The following FER variants were observed in gnomAD, a reference collection of about 807,000 sequenced individuals.
FER encodes the protein FER tyrosine kinase.
FER carries 63 observed loss-of-function variants against 111.0 expected under a neutral mutation model. The ratio of observed to expected loss-of-function variants is 0.57; its 90% CI spans 0.46 to 0.70. The LOEUF (loss-of-function observed/expected upper bound fraction) is 0.70, where lower values mean the gene tolerates loss of function less well. Among genes scored for constraint, FER ranks in the 30% least tolerant of loss-of-function variants. The pLI is 0.00. For synonymous variants in FER, 327 were observed against 313.9 expected (o/e 1.04, Z -0.44); for missense variants, 914 against 954.0 (o/e 0.96, Z 0.55).
chr5:108,815,886 C>G (rs1400862285), intron 3 of FER, among the ~76,000 whole-genome samples: 1 of 152,062 alleles, frequency 6.6e-6, no homozygotes, highest in Non-Finnish European at 1.5e-5. Context: ...AATTTTTAAG[C>G]CTGGCTATAG....
intron 17 of FER, among the ~76,000 whole-genome samples, chr5:109,144,949 G>C (rs1188388725): frequency 6.6e-6 from 1 of 151,894 alleles, no homozygotes; most frequent in East Asian, 1.9e-4. Context: ...GAAGAGATAT[G>C]TGGTGCCACT....
rs36048372 is a variant in FER at position 108,785,298 on chromosome 5, G to T, written c.-59-12826G>T. On this transcript the variant is annotated intron_variant, in intron 2 of 19. Transcript: ENST00000281092. ...GGCAAACACCTTTATATGCCAGATG[G>T]TGGGGGCATTATCAACACCCTGTGC... 3.3e-3 allele frequency: 1,788 copies of T among 548,832 alleles called. 23 individuals are homozygous for T. Among genetic ancestry groups the T allele is most frequent in the African/African-American group, 0.03 (1,585 of 52,536 alleles). 34.0% of individuals were successfully genotyped at this position (548,832 alleles called of 1,614,324 possible).
intron 15 of FER, among the ~76,000 whole-genome samples, chr5:109,045,224 C>G (rs933099749): frequency 2.6e-5 from 4 of 151,412 alleles, no homozygotes; most frequent in Non-Finnish European, 5.9e-5. Context: ...TTCTGAGAAC[C>G]TCAGATTTCT....
At chr5:109,105,314 G>T (rs1041102793) in intron 17 of FER, among the ~76,000 whole-genome samples, 1 of 143,586 alleles carries the variant, frequency 7.0e-6, no homozygotes, top group South Asian at 2.3e-4. Context: ...TAAAAGATTT[G>T]GTATGCTTCT....
At chr5:108,982,290 A>G (rs1762093731) in intron 13 of FER, among the ~76,000 whole-genome samples, 1 of 152,056 alleles carries the variant, frequency 6.6e-6, no homozygotes, top group African/African-American at 2.4e-5. Flanking sequence ...TATTGTTATG[A>G]CCTTATCTTT....
intron 5 of FER, among the ~76,000 whole-genome samples, chr5:108,846,432 A>G (rs1762032214): frequency 6.6e-6 from 1 of 152,014 alleles, no homozygotes; most frequent in Non-Finnish European, 1.5e-5. Context: ...TCTCTGGAAA[A>G]AAAAAGAAAA....
In FER at chr5:108,973,856, T is replaced by A. The variant is rs76054965; in HGVS notation, c.1656+14509T>A. On this transcript the variant is annotated intron_variant, in intron 13 of 19. Coordinates refer to ENST00000281092, the MANE Select transcript of FER (RefSeq NM_005246.4). ...TCTATATCCTTTTTTGACTCTAGAA[T>A]CACTTCAGTTGGAGACCTTAGGAAT... 1.0e-2 allele frequency among the ~76,000 whole-genome samples: 1,517 copies of A among 152,284 alleles called. 22 individuals carry two copies. The highest frequency in any genetic ancestry group is 0.035 in the African/African-American group (1,447 of 41,558).
intron 17 of FER, among the ~76,000 whole-genome samples, chr5:109,123,157 G>GTTTT (rs747514879): frequency 0.041 from 5,103 of 124,134 alleles, 276 homozygotes; most frequent in African/African-American, 0.081. Context: ...TTCCTGTCTT[G>GTTTT]TTTTTTTTTT....
intron 3 of FER, 93 bp from the exon 4 acceptor site, chr5:108,832,677 T>C (rs1760165634): frequency 1.2e-6 from 1 of 868,188 alleles, no homozygotes; most frequent in Admixed American, 4.0e-5. Flanking sequence ...ATAATTTACA[T>C]AAAACTAAAT....
intron 16 of FER, among the ~76,000 whole-genome samples, chr5:109,085,118 C>G (rs929137724): frequency 2.0e-5 from 3 of 151,720 alleles, no homozygotes; most frequent in South Asian, 4.1e-4. Flanking sequence ...AAAAAGCCTC[C>G]TGGGAATTTG....
intron 10 of FER, among the ~76,000 whole-genome samples, chr5:108,930,030 C>G (rs1754337250): frequency 6.6e-6 from 1 of 151,958 alleles, no homozygotes; most frequent in African/African-American, 2.4e-5. Context: ...TAATAATTAG[C>G]TGTTTGTTTT....
intron 1 of FER, among the ~76,000 whole-genome samples, chr5:108,758,666 G>A (rs953191993): frequency 5.3e-5 from 8 of 152,114 alleles, no homozygotes; most frequent in South Asian, 2.1e-4. Flanking sequence ...TGATCCCATC[G>A]TCACAGGGAT....
chr5:108,994,345 A>G (rs1236193589), intron 13 of FER, among the ~76,000 whole-genome samples: 1 of 152,202 alleles, frequency 6.6e-6, no homozygotes, highest in Non-Finnish European at 1.5e-5. Flanking sequence ...CAGTTCTCCC[A>G]GCACCATTTA....
At chr5:109,000,751 C>T (rs1052699717) in intron 13 of FER, among the ~76,000 whole-genome samples, 10 of 151,680 alleles carry the variant, frequency 6.6e-5, no homozygotes, top group East Asian at 1.9e-4. Flanking sequence ...ATTGATAGAC[C>T]GCTAGCAAGA....
chr5:108,778,440 C>G (rs1362489366), intron 2 of FER, among the ~76,000 whole-genome samples: 1 of 152,178 alleles, frequency 6.6e-6, no homozygotes, highest in African/African-American at 2.4e-5. Flanking sequence ...ATTTTGCATT[C>G]TTACCAGCAA....
intron 17 of FER, among the ~76,000 whole-genome samples, chr5:109,125,436 A>G (rs1415788843): frequency 3.0e-4 from 46 of 152,192 alleles, no homozygotes; most frequent in Non-Finnish European, 7.3e-5. Flanking sequence ...AGTGTCTTAT[A>G]TTCAAACCTG....
At chr5:108,754,055 A>G (rs924238543) in intron 1 of FER, among the ~76,000 whole-genome samples, 1 of 152,176 alleles carries the variant, frequency 6.6e-6, no homozygotes, top group South Asian at 2.1e-4. Flanking sequence ...CAGATGATTG[A>G]GAGTGACATC....
At chr5:109,164,631 A>T (rs1033291506) in intron 17 of FER, among the ~76,000 whole-genome samples, 1 of 152,160 alleles carries the variant, frequency 6.6e-6, no homozygotes, top group Non-Finnish European at 1.5e-5. Context: ...TATCATTAAC[A>T]TATCTTTTTC....
At chr5:108,871,258 A>G (rs1764571752) in intron 6 of FER, 107 bp from the exon 7 acceptor site, 1 of 855,106 alleles carries the variant, frequency 1.2e-6, no homozygotes, top group Non-Finnish European at 1.8e-6. Context: ...AACCATCTGT[A>G]CATTTCAACA....
Sources: gnomAD v4.1 joint callset for allele counts (sites outside exome capture counted in the v4.1 genomes callset) on GRCh38, gnomAD v4.1.1 for gene constraint, MANE v1.5 for transcripts, NCBI Gene and HGNC (gene_info 2026-07-23, HGNC 2026-07-21) for gene names.